The following SMC2 variants were observed in gnomAD, a reference collection of about 807,000 sequenced individuals.
The protein encoded by SMC2 is structural maintenance of chromosomes 2, also known as structural maintenance of chromosomes protein 2.
A neutral mutation model predicts 142.6 loss-of-function variants in SMC2; 41 were observed. The ratio of observed to expected loss-of-function variants is 0.29; its 90% CI spans 0.22 to 0.37. The LOEUF (loss-of-function observed/expected upper bound fraction) is 0.37, where lower values mean the gene tolerates loss of function less well. SMC2 is among the 10% of genes least tolerant of loss of function. The probability of loss-of-function intolerance (pLI) is 1.00; values close to 1 mark genes in which losing one functional copy is unlikely to be tolerated. For synonymous variants in SMC2, 463 were observed against 457.5 expected (o/e 1.01, Z -0.15); for missense variants, 1,265 against 1,373.7 (o/e 0.92, Z 1.25).
intron 10 of SMC2, among the ~76,000 whole-genome samples, chr9:104,113,115 A>T (rs1212599703): frequency 6.6e-6 from 1 of 152,270 alleles, no homozygotes; most frequent in East Asian, 1.9e-4. Flanking sequence ...TTAATCATAT[A>T]TTAGTTTATA....
chr9:104,136,295 C>T (rs1177261742), intron 23 of SMC2, among the ~76,000 whole-genome samples: 1 of 151,710 alleles, frequency 6.6e-6, no homozygotes, highest in Admixed American at 6.6e-5. Flanking sequence ...TCCTTATGAC[C>T]CCCTTTATCA....
chr9:104,098,681 A>G (rs952869231), intron 4 of SMC2, 113 bp downstream of exon 4: 43 of 1,074,032 alleles, frequency 4.0e-5, no homozygotes, highest in Middle Eastern at 2.9e-4. Context: ...TTTATTTACT[A>G]TTGTGCTGTG....
intron 9 of SMC2, among the ~76,000 whole-genome samples, chr9:104,107,418 G>T (rs2131356394): frequency 6.6e-6 from 1 of 152,292 alleles, no homozygotes; most frequent in Non-Finnish European, 1.5e-5. Context: ...CATGGAGGTT[G>T]TGGACACCTG....
chr9:104,113,596 G>A, intron 11 of SMC2, 121 bp downstream of exon 11: 1 of 729,624 alleles, frequency 1.4e-6, no homozygotes, highest in Non-Finnish European at 2.1e-6. Flanking sequence ...ACAAGCATTA[G>A]TATAAGAAGT....
chr9:104,123,753 G>A (rs1468548963), intron 17 of SMC2, among the ~76,000 whole-genome samples: 1 of 151,726 alleles, frequency 6.6e-6, no homozygotes, highest in Admixed American at 6.6e-5. Context: ...CATCTTTTTT[G>A]GCTATGTACT....
upstream of SMC2, among the ~76,000 whole-genome samples, chr9:104,089,499 C>G (rs1423926657): frequency 1.3e-5 from 2 of 151,976 alleles, no homozygotes; most frequent in Non-Finnish European, 2.9e-5. Flanking sequence ...TAATTATCCC[C>G]ATAAAAGAAG....
chr9:104,130,005 T>G (rs540033964), intron 21 of SMC2, among the ~76,000 whole-genome samples, 160 bp downstream of exon 21: 2 of 152,252 alleles, frequency 1.3e-5, no homozygotes, highest in South Asian at 4.1e-4. Context: ...TTTTTTCTTA[T>G]TACTCTTATG....
chr9:104,090,035 G>A (rs1251384994), upstream of SMC2, among the ~76,000 whole-genome samples: 1 of 152,168 alleles, frequency 6.6e-6, no homozygotes, highest in East Asian at 1.9e-4. Context: ...GAGAATGTGA[G>A]CTCTGTAAGG....
upstream of SMC2, chr9:104,093,081 TGAA>T (rs1830068350): frequency 6.6e-6 from 1 of 152,206 alleles, no homozygotes; most frequent in Non-Finnish European, 1.5e-5. Flanking sequence ...TTCAGAAATG[TGAA>T]GAATAAACTT....
At chr9:104,113,135 G>GT (rs1832680925) in intron 10 of SMC2, among the ~76,000 whole-genome samples, 181 bp from the exon 11 acceptor site, 1 of 151,982 alleles carries the variant, frequency 6.6e-6, no homozygotes, top group Non-Finnish European at 1.5e-5. Context: ...ACTTTGAGTA[G>GT]TTTTTTGAGG....
intron 20 of SMC2, 54 bp downstream of exon 20, chr9:104,127,534 T>G: frequency 5.2e-6 from 7 of 1,345,458 alleles, no homozygotes; most frequent in African/African-American, 1.5e-5. Flanking sequence ...TACTGAGCTC[T>G]TGAAAAAATT....
Position 104,140,023 on chromosome 9 carries a change from T to G in SMC2, c.*708T>G. On this transcript the variant is annotated 3_prime_UTR_variant, in exon 25 of 25. Transcript: ENST00000374793. The stretch of plus-strand genomic sequence containing the variant: ...TTTGTTTTTTTAAGCTGTGTAAGTA[T>G]TTTTAAATCAAAGCTTAGGAGGTGT... 6.6e-6 allele frequency: 1 copy of G among 152,282 alleles called. No homozygotes were observed. The allele number at this position is 152,282 out of a possible 1,614,324, so 9.4% of individuals were successfully genotyped here.
At chr9:104,119,797 A>G (rs1467087303) in intron 15 of SMC2, among the ~76,000 whole-genome samples, 1 of 152,184 alleles carries the variant, frequency 6.6e-6, no homozygotes, top group Non-Finnish European at 1.5e-5. Flanking sequence ...GGCCCAGTAG[A>G]CAAGGCAGTG....
chr9:104,129,832 A>T lies in SMC2; in HGVS notation c.2978A>T (p.Glu993Val). Residue 993 changes from glutamate to valine, a missense_variant, in exon 21 of 25, where the codon GAA (glutamate) becomes GTA (valine). Glu to Val is a moderately radical substitution (Grantham distance 121). This residue lies in a region of SMC2 where 192 missense variants were observed against 261.9 expected (regional missense o/e 0.73). Transcript: ENST00000374793. ...VNMRAMNVLT[E>V]AEERYNDLMK... ...ATGAGAGCTATGAATGTATTGACAG[A>T]AGCTGAAGAGCGAGTAAGTCAATTT... is the stretch of plus-strand genomic sequence containing the variant. The T allele has an allele frequency of 6.2e-7, 1 of 1,613,200 alleles. No individual in the cohort carries two copies. Among genetic ancestry groups the T allele is most frequent in the South Asian group, 1.1e-5 (1 of 91,070 alleles).
At position 104,114,712 on chromosome 9, in the gene SMC2, T is replaced by G. The variant is rs1196916373; in HGVS notation, c.1554T>G (p.Asn518Lys). ...FAYKDPEKNW[N>K]RNCVKGLVAS... Reference sequence around the variant, plus strand: ...TCAGGGATCCAGAGAAGAACTGGAATAGAAATTGTGTGAAAGGACTTGTGG... The same window carrying G: ...TCAGGGATCCAGAGAAGAACTGGAAGAGAAATTGTGTGAAAGGACTTGTGG... The change falls in exon 13 of 25, where the codon AAT (asparagine) becomes AAG (lysine). Residue 518 changes from asparagine (N) to lysine (K), a missense_variant. This residue lies in a region of SMC2 where 898 missense variants were observed against 904.2 expected (regional missense o/e 0.99). Transcript: ENST00000374793. The G allele has an allele frequency of 1.2e-6, 2 of 1,612,396 alleles. No homozygotes were observed. Among genetic ancestry groups the G allele is most frequent in the Non-Finnish European group, 1.7e-6 (2 of 1,179,066 alleles).
At chr9:104,113,199 C>CAATT (rs1165197229) in intron 10 of SMC2, 117 bp from the exon 11 acceptor site, 2 of 665,388 alleles carry the variant, frequency 3.0e-6, no homozygotes, top group South Asian at 3.8e-5. Flanking sequence ...AGAGACCAAA[C>CAATT]AATTAAACTT....
chr9:104,127,202 G>T, intron 19 of SMC2, 84 bp from the exon 20 acceptor site: 1 of 1,085,232 alleles, frequency 9.2e-7, no homozygotes, highest in African/African-American at 1.6e-5. Flanking sequence ...CTCTTGCCCA[G>T]GGATCTGTCA....
intron 5 of SMC2, 24 bp downstream of exon 5, chr9:104,099,706 T>C (rs1367223885): frequency 7.3e-7 from 1 of 1,373,400 alleles, no homozygotes; most frequent in South Asian, 1.2e-5. Context: ...TTATGGACAT[T>C]AAAAATAGTT....
chr9:104,112,425 G>GA (rs1292905204), intron 10 of SMC2, among the ~76,000 whole-genome samples: 6 of 152,140 alleles, frequency 3.9e-5, no homozygotes, highest in African/African-American at 1.4e-4. Flanking sequence ...TTTGCTAGCA[G>GA]AAAAAATACA....
Sources: allele counts gnomAD v4.1 joint callset (sites outside exome capture counted in the v4.1 genomes callset), GRCh38; gene constraint gnomAD v4.1.1; regional missense constraint gnomAD v4.1.1; transcripts MANE v1.5; gene names NCBI Gene and HGNC (gene_info 2026-07-23, HGNC 2026-07-21).